The following SPTBN2 variants were observed in gnomAD, a reference collection of about 807,000 sequenced individuals.
The protein encoded by SPTBN2 is spectrin beta, non-erythrocytic 2.
In SPTBN2, 107 loss-of-function variants were observed where a neutral mutation model predicts 284.2. The ratio of observed to expected loss-of-function variants is 0.38; its 90% CI spans 0.32 to 0.44. SPTBN2 has a LOEUF of 0.44. Ranked by LOEUF, SPTBN2 falls within the 20% of genes least tolerant of loss-of-function variation. The probability of loss-of-function intolerance (pLI) is 1.00; values close to 1 mark genes in which losing one functional copy is unlikely to be tolerated. For synonymous variants in SPTBN2, 1,289 were observed against 1,354.8 expected (o/e 0.95, Z 1.07); for missense variants, 2,569 against 3,287.1 (o/e 0.78, Z 5.34).
At chr11:66,739,729 G>C (rs970272797) in intron 1 of SPTBN2, among the ~76,000 whole-genome samples, 1 of 152,104 alleles carries the variant, frequency 6.6e-6, no homozygotes, top group Non-Finnish European at 1.5e-5. Flanking sequence ...TTAGAGATAA[G>C]GTAAAAAGCC....
chr11:66,734,380 T>C (rs1942838380), intron 1 of SPTBN2, among the ~76,000 whole-genome samples: 1 of 152,204 alleles, frequency 6.6e-6, no homozygotes, highest in African/African-American at 2.4e-5. Context: ...TCCAAAGTTC[T>C]TAACCAAGTT....
chr11:66,732,095 C>T (rs1014438185), upstream of SPTBN2, among the ~76,000 whole-genome samples: 18 of 152,266 alleles, frequency 1.2e-4, no homozygotes, highest in African/African-American at 3.6e-4. Flanking sequence ...CTAACATTAA[C>T]GTGGAACTGT....
At position 66,708,873 on chromosome 11, in the gene SPTBN2, G is replaced by C. The variant is rs1329894457; in HGVS notation, c.1191+29C>G. ...GCATCTGGGCCAGGGCCTGCCCTGAGGGTGGGTGGCCTGTGGGCAGCCACG... is the reference window on the plus strand; with the variant it reads ...GCATCTGGGCCAGGGCCTGCCCTGACGGTGGGTGGCCTGTGGGCAGCCACG... On this transcript the variant is annotated intron_variant, in intron 11 of 37. Coordinates refer to ENST00000533211, the MANE Select transcript of SPTBN2 (RefSeq NM_006946.4). The surrounding 1 kb of genome is among the most constrained non-coding windows in gnomAD (Gnocchi z 4.4). 1.3e-6 allele frequency: 2 copies of C among 1,593,030 alleles called. No individual in the cohort carries two copies. Among genetic ancestry groups the C allele is most frequent in the South Asian group, 2.2e-5 (2 of 90,684 alleles).
At chr11:66,732,188 G>A (rs1942818087), upstream of SPTBN2, among the ~76,000 whole-genome samples, 1 of 152,190 alleles carries the variant, frequency 6.6e-6, no homozygotes, top group South Asian at 2.1e-4. Flanking sequence ...TTTCACAGAT[G>A]AGGAAATGGA....
At chr11:66,726,267 T>C (rs1942618980) in intron 1 of SPTBN2, among the ~76,000 whole-genome samples, 1 of 152,180 alleles carries the variant, frequency 6.6e-6, no homozygotes, top group Non-Finnish European at 1.5e-5. Context: ...ACTTTCAGGG[T>C]TGAGCTCAAC....
chr11:66,700,106 C>A lies in SPTBN2; in HGVS notation c.3573+420G>T, dbSNP rs1299652692. Among the ~76,000 whole-genome samples the A allele has an allele frequency of 6.6e-6, 1 of 151,814 alleles. No homozygotes were observed. The highest frequency in any genetic ancestry group is 1.5e-5 in the Non-Finnish European group (1 of 67,982). On this transcript the variant is annotated intron_variant, in intron 17 of 37. Transcript: ENST00000533211. The surrounding 1 kb of genome is among the most constrained non-coding windows in gnomAD (Gnocchi z 6.6). ...CAGTAGCTGGAGCTACAGGCATGCA[C>A]CACCATGTCCAGTTAATTTTTTTTT...
At chr11:66,698,369 G>C in intron 20 of SPTBN2, among the ~76,000 whole-genome samples, 1 of 152,226 alleles carries the variant, frequency 6.6e-6, no homozygotes, top group Non-Finnish European at 1.5e-5. Flanking sequence ...GCACCATCCT[G>C]CTTTGAACTC....
chr11:66,738,811 G>A (rs968179798), intron 1 of SPTBN2, among the ~76,000 whole-genome samples: 1 of 150,616 alleles, frequency 6.6e-6, no homozygotes. Flanking sequence ...ACTGCGCTTG[G>A]CCATTATTAT....
chr11:66,700,757 C>T lies in SPTBN2; in HGVS notation c.3342G>A (p.Val1114=). The change falls in exon 17 of 38, where the codon GTG becomes GTA. Residue 1114 remains valine, a synonymous_variant. Transcript: ENST00000533211. This position sits in a 1 kb window ranked among gnomAD's most constrained non-coding sequence, Gnocchi z 6.6. ...GGCTATACTCGCTCTGGGCCCGCTC[C>T]ACCTCTCCCCGCAGGGCTGCATGTT... The part of the protein sequence containing the change: ...LAQHAALRGE[V]ERAQSEYSRL... 3 of 1,602,446 alleles carry T rather than the reference C, an allele frequency of 1.9e-6. No individual in the cohort carries two copies. Among genetic ancestry groups the T allele is most frequent in the Non-Finnish European group, 2.5e-6 (3 of 1,179,802 alleles).
intron 15 of SPTBN2, 118 bp downstream of exon 15, chr11:66,704,480 A>G (rs1377053300): frequency 1.2e-5 from 15 of 1,214,752 alleles, no homozygotes; most frequent in Non-Finnish European, 1.7e-5. Context: ...AGAAATGGAC[A>G]ACCATTAAGA....
Position 66,710,555 on chromosome 11 carries a change from G to A in SPTBN2, c.1073+27C>T, listed in dbSNP as rs1368392350. 2 of 1,610,158 alleles carry A rather than the reference G, an allele frequency of 1.2e-6. No homozygotes were observed. The highest frequency in any genetic ancestry group is 1.7e-4 in the Middle Eastern group (1 of 5,808). ...TCCTCTCGTGGGAGCACAGCTCAGG[G>A]AAGGGTGGGGCCCCAGGGACACCTA... On this transcript the variant is annotated intron_variant, in intron 10 of 37. Transcript: ENST00000533211. This position sits in a 1 kb window ranked among gnomAD's most constrained non-coding sequence, Gnocchi z 4.9.
At position 66,713,658 on chromosome 11, in the gene SPTBN2, C is replaced by T. The variant is rs1287467322; in HGVS notation, c.745G>A (p.Gly249Arg). The T allele has an allele frequency of 1.2e-6, 2 of 1,613,902 alleles. No homozygotes were observed. Among genetic ancestry groups the T allele is most frequent in the African/African-American group, 1.3e-5 (1 of 74,888 alleles). Residue 249 changes from glycine to arginine, a missense_variant, in exon 8 of 38, where the codon GGA (glycine) becomes AGA (arginine). Physicochemically the swap from Gly to Arg is moderately radical, Grantham distance 125. Coordinates refer to ENST00000533211, the MANE Select transcript of SPTBN2 (RefSeq NM_006946.4). ...TCGGGATCCAGCAGCTTGGTAAGTCCCAGTTCCTTTTCAGCCAGATTGAAT... is the reference window on the plus strand; with the variant it reads ...TCGGGATCCAGCAGCTTGGTAAGTCTCAGTTCCTTTTCAGCCAGATTGAAT... ...NAFNLAEKEL[G>R]LTKLLDPEDV...
chr11:66,739,381 C>T (rs1358976131), intron 1 of SPTBN2, among the ~76,000 whole-genome samples: 1 of 152,172 alleles, frequency 6.6e-6, no homozygotes, highest in Non-Finnish European at 1.5e-5. Flanking sequence ...CAATTCTTTT[C>T]CCATTTTACC....
At chr11:66,716,754 C>T (rs1942170188) in intron 3 of SPTBN2, among the ~76,000 whole-genome samples, 1 of 152,194 alleles carries the variant, frequency 6.6e-6, no homozygotes, top group African/African-American at 2.4e-5. Context: ...AAAATGGCTC[C>T]TTGGTGAGCT....
In SPTBN2 at chr11:66,708,781, G is replaced by A; in HGVS notation, c.1191+121C>T. On this transcript the variant is annotated intron_variant, in intron 11 of 37. Transcript: ENST00000533211. The surrounding 1 kb of genome is among the most constrained non-coding windows in gnomAD (Gnocchi z 4.4). ...GCTGGGCAGAGTGCTCGAGTTTCAA[G>A]TTGGGGCAGCAGATAGTAGAACTTG... The A allele has an allele frequency of 5.0e-6, 4 of 804,664 alleles. No homozygotes were observed. The highest frequency in any genetic ancestry group is 8.3e-6 in the Non-Finnish European group (4 of 480,592). 49.8% of individuals were successfully genotyped at this position (804,664 alleles called of 1,614,324 possible). A position where few individuals can be genotyped will look rare whatever the true frequency, so the allele number is the denominator to read the frequency against.
chr11:66,688,987 G>C, intron 30 of SPTBN2, 109 bp downstream of exon 30: 1 of 1,453,074 alleles, frequency 6.9e-7, no homozygotes, highest in Non-Finnish European at 9.5e-7. Flanking sequence ...CGAAGATTGG[G>C]CATCGTGAGT....
At chr11:66,704,570 G>A in intron 15 of SPTBN2, 28 bp downstream of exon 15, 1 of 1,603,272 alleles carries the variant, frequency 6.2e-7, no homozygotes. Flanking sequence ...TCCCAAGGCT[G>A]GTCCCACTAG....
Position 66,715,369 on chromosome 11 carries a change from C to T in SPTBN2, c.336G>A (p.Arg112=). The change falls in exon 5 of 38, where the codon CGG becomes CGA. Residue 112 remains arginine (R), a synonymous_variant. Coordinates refer to ENST00000533211, the MANE Select transcript of SPTBN2 (RefSeq NM_006946.4). This position sits in a 1 kb window ranked among gnomAD's most constrained non-coding sequence, Gnocchi z 5.3. ...ILPKPTKGRM[R]IHCLENVDKA... is the part of the protein sequence containing the mutation. The stretch of plus-strand genomic sequence containing the variant: ...TGTCCACGTTCTCCAGGCAGTGGAT[C>T]CGCATGCGGCCCTTTGTAGGCTTTG... 2 of 1,613,914 alleles carry T rather than the reference C, an allele frequency of 1.2e-6. No homozygotes were observed. The highest frequency in any genetic ancestry group is 2.2e-5 in the South Asian group (2 of 91,076).
At position 66,715,428 on chromosome 11, in the gene SPTBN2, C is replaced by A. The variant is rs1178869996; in HGVS notation, c.310-33G>T. 7 of 1,590,796 alleles carry A rather than the reference C, an allele frequency of 4.4e-6. No individual in the cohort carries two copies. The highest frequency in any genetic ancestry group is 6.0e-6 in the Non-Finnish European group (7 of 1,165,714). Reference sequence around the variant, plus strand: ...GGGACGGGGGCAAAATGGCACGGGACTGTGGGCTTCCACCTTCTTCCCCAG... The same window carrying A: ...GGGACGGGGGCAAAATGGCACGGGAATGTGGGCTTCCACCTTCTTCCCCAG... On this transcript the variant is annotated intron_variant, in intron 4 of 37. Coordinates refer to ENST00000533211, the MANE Select transcript of SPTBN2 (RefSeq NM_006946.4). The surrounding 1 kb of genome is among the most constrained non-coding windows in gnomAD (Gnocchi z 5.3).
Sources: gnomAD v4.1 joint callset for allele counts (sites outside exome capture counted in the v4.1 genomes callset) on GRCh38, gnomAD v4.1.1 for gene constraint, Gnocchi (gnomAD v3.1) non-coding constraint, MANE v1.5 for transcripts, NCBI Gene and HGNC (gene_info 2026-07-23, HGNC 2026-07-21) for gene names.